Variants in CSNK2B observed in about 807,000 individuals in gnomAD.
CSNK2B encodes casein kinase II subunit beta.
Under a neutral mutation model 28.8 loss-of-function variants are expected in CSNK2B, and 2 were observed. That is an observed-to-expected ratio of 0.07 (90% CI 0.03 to 0.22). The LOEUF (loss-of-function observed/expected upper bound fraction) is 0.22, where lower values mean the gene tolerates loss of function less well. Among genes scored for constraint, CSNK2B ranks in the 10% least tolerant of loss-of-function variants. The pLI is 1.00. For missense variants in CSNK2B, 107 were observed against 277.9 expected, an observed-to-expected ratio of 0.39 and a Z score of 4.37; for synonymous variants, 89 against 96.1, an observed-to-expected ratio of 0.93 and a Z score of 0.43.
chr6:31,669,451 T>C lies in CSNK2B; in HGVS notation c.500T>C (p.Leu167Pro), dbSNP rs1802027000. ...TTCGGCACTGGTTTCCCTCACATGCTCTTCATGGTGCATCCCGAGTACCGG... is the reference window on the plus strand; with the variant it reads ...TTCGGCACTGGTTTCCCTCACATGCCCTTCATGGTGCATCCCGAGTACCGG... Reference protein sequence around the residue: ...AYFGTGFPHMLFMVHPEYRPK... With the variant: ...AYFGTGFPHMPFMVHPEYRPK... The change falls in exon 6 of 7, where the codon CTC (leucine) becomes CCC (proline). Residue 167 changes from leucine (L) to proline (P), a missense_variant. Transcript: ENST00000375882. This position sits in a 1 kb window ranked among gnomAD's most constrained non-coding sequence, Gnocchi z 4.8. The C allele has an allele frequency of 6.2e-7, 1 of 1,613,744 alleles. No individual in the cohort carries two copies. Among genetic ancestry groups the C allele is most frequent in the Non-Finnish European group, 8.5e-7 (1 of 1,180,026 alleles).
intron 1 of CSNK2B, chr6:31,666,416 A>C: frequency 5.4e-6 from 1 of 186,132 alleles, no homozygotes; most frequent in Non-Finnish European, 1.1e-5. Context: ...GGAGGAGCCC[A>C]GTTCTTGCTT....
Position 31,668,567 on chromosome 6 carries a change from G to C in CSNK2B, c.204G>C (p.Gln68His), listed in dbSNP as rs763714463. Residue 68 changes from glutamine to histidine, a missense_variant, in exon 4 of 7, where the codon CAG becomes CAC. Physicochemically the swap from Gln to His is conservative, Grantham distance 24. Coordinates refer to ENST00000375882, the MANE Select transcript of CSNK2B (RefSeq NM_001320.7). The stretch of plus-strand genomic sequence containing the variant: ...AAGAACTGGAAGACAACCCCAACCA[G>C]AGTGACCTGATTGAGCAGGCAGCCG... ...PDEELEDNPN[Q>H]SDLIEQAAEM... is the part of the protein sequence containing the mutation. 1 of 1,613,082 alleles carries C rather than the reference G, an allele frequency of 6.2e-7. No homozygotes were observed. Among genetic ancestry groups the C allele is most frequent in the Non-Finnish European group, 8.5e-7 (1 of 1,180,038 alleles).
At chr6:31,666,510 C>G (rs892429539) in intron 1 of CSNK2B, 1 of 436,898 alleles carries the variant, frequency 2.3e-6, no homozygotes, top group African/African-American at 2.0e-5. Flanking sequence ...AGTCGAGGTC[C>G]CTGCCGGAGT....
intron 2 of CSNK2B, among the ~76,000 whole-genome samples, chr6:31,667,456 A>G (rs1344839294): frequency 6.6e-6 from 1 of 152,184 alleles, no homozygotes; most frequent in Non-Finnish European, 1.5e-5. Flanking sequence ...CTAAAGTGGC[A>G]CTGCTAGTAC....
chr6:31,668,891 A>G (rs1394762586), intron 4 of CSNK2B: 4 of 611,972 alleles, frequency 6.5e-6, no homozygotes, highest in Non-Finnish European at 8.7e-6. Flanking sequence ...TCCTCAAGGA[A>G]CAAACAACAA....
chr6:31,666,778 G>A (rs377726283), intron 1 of CSNK2B, 43 bp from the exon 2 acceptor site: 4 of 1,512,382 alleles, frequency 2.6e-6, no homozygotes, highest in African/African-American at 1.4e-5. Flanking sequence ...ACCAGAGGCA[G>A]GGAAGGAGAA....
Position 31,669,214 on chromosome 6 carries a change from C to CT in CSNK2B, c.367+44dup. On this transcript the variant is annotated intron_variant, in intron 5 of 6. Transcript: ENST00000375882. The surrounding 1 kb of genome is among the most constrained non-coding windows in gnomAD (Gnocchi z 4.8). ...GGAAAGGAAAGCACCGTGTGGCAGT[C>CT]TTATGGGAAGGAGTTGGGGCTCAAC... 1 of 1,606,178 alleles carries CT rather than the reference C, an allele frequency of 6.2e-7. No homozygotes were observed. Among genetic ancestry groups the CT allele is most frequent in the Non-Finnish European group, 8.5e-7 (1 of 1,173,046 alleles).
At position 31,666,151 on chromosome 6, in the gene CSNK2B, C is replaced by T. The variant is rs539448235; in HGVS notation, c.-69C>T. 9.9e-5 allele frequency: 98 copies of T among 990,510 alleles called. No homozygotes were observed. The South Asian group carries it at 2.6e-3, about 27-fold the overall frequency. The allele number at this position is 990,510 out of a possible 1,614,324, so 61.4% of individuals were successfully genotyped here. A position where few individuals can be genotyped will look rare whatever the true frequency, so the allele number is the denominator to read the frequency against. On this transcript the variant is annotated 5_prime_UTR_variant, in exon 1 of 7. Transcript: ENST00000375882. ...CGGCCTGCGCTGTAGCGGTCGCCGC[C>T]GTTCCCTGGAAGTAGCAACTTCCCT...
rs577207951 is a variant in CSNK2B, at chr6:31,669,986, A to G, written c.*60A>G. 2.9e-6 allele frequency: 4 copies of G among 1,390,996 alleles called. No individual in the cohort carries two copies. In the South Asian group the frequency reaches 4.9e-5, roughly 17 times the overall value. 86.2% of individuals were successfully genotyped at this position (1,390,996 alleles called of 1,614,324 possible). A position where few individuals can be genotyped will look rare whatever the true frequency, so the allele number is the denominator to read the frequency against. Reference sequence around the variant, plus strand: ...TTCCTTTCTTTTTTGCCACCCTTTCAGGAACCCTGTATGGTTTTTAGTTTA... The same window carrying G: ...TTCCTTTCTTTTTTGCCACCCTTTCGGGAACCCTGTATGGTTTTTAGTTTA... On this transcript the variant is annotated 3_prime_UTR_variant, in exon 7 of 7. Transcript: ENST00000375882. The surrounding 1 kb of genome is among the most constrained non-coding windows in gnomAD (Gnocchi z 4.8).
At position 31,666,808 on chromosome 6, in the gene CSNK2B, G is replaced by T; in HGVS notation, c.-11-13G>T. 1 of 1,609,156 alleles carries T rather than the reference G, an allele frequency of 6.2e-7. No homozygotes were observed. The highest frequency in any genetic ancestry group is 8.5e-7 in the Non-Finnish European group (1 of 1,176,226). On this transcript the variant is annotated splice_polypyrimidine_tract_variant and intron_variant, in intron 1 of 6. Transcript: ENST00000375882. ...GGAGAACTTGAGCTTTACTGACACT[G>T]TTCTTTTTCTAGCTGACGTGAAGAT... is the stretch of plus-strand genomic sequence containing the variant.
chr6:31,666,495 G>T (rs1024963806), intron 1 of CSNK2B: 20 of 411,666 alleles, frequency 4.9e-5, no homozygotes, highest in African/African-American at 3.8e-4. Flanking sequence ...TTGGTAGGGA[G>T]CCTGAGTCGA....
At position 31,669,189 on chromosome 6, in the gene CSNK2B, G is replaced by A. The variant is rs1802007691; in HGVS notation, c.367+17G>A. The stretch of plus-strand genomic sequence containing the variant: ...TTCCCATTGGTGAGTGTTGAAGAAG[G>A]GAAAGGAAAGCACCGTGTGGCAGTC... On this transcript the variant is annotated intron_variant, in intron 5 of 6. Transcript: ENST00000375882. The surrounding 1 kb of genome is among the most constrained non-coding windows in gnomAD (Gnocchi z 4.8). 4.3e-6 allele frequency: 7 copies of A among 1,612,188 alleles called. No homozygotes were observed. The highest frequency in any genetic ancestry group is 5.9e-6 in the Non-Finnish European group (7 of 1,178,376).
chr6:31,668,182 TATTCCAA>T lies in CSNK2B; in HGVS notation c.175+214_175+220del, dbSNP rs146750326. On this transcript the variant is annotated intron_variant, in intron 3 of 6. Coordinates refer to ENST00000375882, the MANE Select transcript of CSNK2B (RefSeq NM_001320.7). ...GTTTTCTAAATCCGCAATTCAGACC[TATTCCAA>T]AATGCGTTTCCTCATGGGTCTGGTT... 4 of 369,982 alleles carry T rather than the reference TATTCCAA, an allele frequency of 1.1e-5. No homozygotes were observed. The South Asian group carries it at 1.1e-4, about 10-fold the overall frequency. 22.9% of individuals were successfully genotyped at this position (369,982 alleles called of 1,614,324 possible).
Position 31,666,133 on chromosome 6 carries a change from C to T in CSNK2B, c.-87C>T. The T allele has an allele frequency of 2.0e-6, 2 of 993,862 alleles. No homozygotes were observed. The highest frequency in any genetic ancestry group is 2.4e-6 in the Non-Finnish European group (2 of 833,928). 61.6% of individuals were successfully genotyped at this position (993,862 alleles called of 1,614,324 possible). On this transcript the variant is annotated 5_prime_UTR_variant, in exon 1 of 7. Transcript: ENST00000375882. ...CTGCCGCGGTCGGGTCCGCGGCCTG[C>T]GCTGTAGCGGTCGCCGCCGTTCCCT...
intron 2 of CSNK2B, 139 bp downstream of exon 2, chr6:31,667,042 C>T: frequency 1.3e-6 from 1 of 781,752 alleles, no homozygotes. Context: ...CCCTATAAAC[C>T]CCGACGAACC....
Position 31,666,884 on chromosome 6 carries a change from G to A in CSNK2B, c.53G>A (p.Gly18Asp). 6.2e-7 allele frequency: 1 copy of A among 1,614,050 alleles called. No homozygotes were observed. Among genetic ancestry groups the A allele is most frequent in the Non-Finnish European group, 8.5e-7 (1 of 1,179,932 alleles). ...SWISWFCGLR[G>D]NEFFCEVDED... ...ATTTCCTGGTTCTGTGGGCTCCGTG[G>A]CAATGAATTCTTCTGTGAAGTGAGT... Residue 18 changes from glycine to aspartate, a missense_variant, in exon 2 of 7, where the codon GGC becomes GAC. Gly to Asp is a moderately conservative substitution (Grantham distance 94). Transcript: ENST00000375882.
chr6:31,669,216 T>C lies in CSNK2B; in HGVS notation c.367+44T>C. On this transcript the variant is annotated intron_variant, in intron 5 of 6. Coordinates refer to ENST00000375882, the MANE Select transcript of CSNK2B (RefSeq NM_001320.7). This position sits in a 1 kb window ranked among gnomAD's most constrained non-coding sequence, Gnocchi z 4.8. ...AAAGGAAAGCACCGTGTGGCAGTCT[T>C]ATGGGAAGGAGTTGGGGCTCAACAC... 1 of 1,605,830 alleles carries C rather than the reference T, an allele frequency of 6.2e-7. No individual in the cohort carries two copies. The highest frequency in any genetic ancestry group is 8.5e-7 in the Non-Finnish European group (1 of 1,172,728).
chr6:31,668,979 A>G, intron 4 of CSNK2B, 118 bp from the exon 5 acceptor site: 2 of 732,594 alleles, frequency 2.7e-6, no homozygotes, highest in Non-Finnish European at 4.8e-6. Context: ...AGTCCAGAGA[A>G]GGGGCCTCTG....
Position 31,669,203 on chromosome 6 carries a change from C to T in CSNK2B, c.367+31C>T, listed in dbSNP as rs765496721. ...TGTTGAAGAAGGGAAAGGAAAGCAC[C>T]GTGTGGCAGTCTTATGGGAAGGAGT... On this transcript the variant is annotated intron_variant, in intron 5 of 6. Transcript: ENST00000375882. This position sits in a 1 kb window ranked among gnomAD's most constrained non-coding sequence, Gnocchi z 4.8. 1.1e-5 allele frequency: 18 copies of T among 1,607,122 alleles called. No homozygotes were observed. Among genetic ancestry groups the T allele is most frequent in the Non-Finnish European group, 3.4e-6 (4 of 1,173,962 alleles).
Sources: gnomAD v4.1 joint callset for allele counts (sites outside exome capture counted in the v4.1 genomes callset) on GRCh38, gnomAD v4.1.1 for gene constraint, Gnocchi (gnomAD v3.1) non-coding constraint, MANE v1.5 for transcripts, NCBI Gene and HGNC (gene_info 2026-07-23, HGNC 2026-07-21) for gene names.